Variants in SLCO3A1 observed in about 807,000 individuals in gnomAD.
SLCO3A1 encodes solute carrier organic anion transporter family member 3A1, also known as PGE1 transporter.
A neutral mutation model predicts 63.1 loss-of-function variants in SLCO3A1; 27 were observed. The observed-to-expected ratio is 0.43, with a 90% CI of 0.32 to 0.59. The LOEUF (loss-of-function observed/expected upper bound fraction) is 0.59, where lower values mean the gene tolerates loss of function less well. Among genes scored for constraint, SLCO3A1 ranks in the 20% least tolerant of loss-of-function variants. The pLI is 0.09. For synonymous variants in SLCO3A1, 473 were observed against 409.9 expected (o/e 1.15, Z -1.86); for missense variants, 773 against 945.8 (o/e 0.82, Z 2.40).
At chr15:92,065,809 G>T (rs1197189566) in intron 2 of SLCO3A1, among the ~76,000 whole-genome samples, 1 of 152,134 alleles carries the variant, frequency 6.6e-6, no homozygotes, top group Non-Finnish European at 1.5e-5. Context: ...ACCACCATCT[G>T]ATATTAAAAC....
chr15:92,029,339 C>G (rs2046617197), intron 2 of SLCO3A1, among the ~76,000 whole-genome samples: 1 of 152,176 alleles, frequency 6.6e-6, no homozygotes, highest in African/African-American at 2.4e-5. Flanking sequence ...GGCTCCTGCC[C>G]TGGAGTGGGC....
intron 1 of SLCO3A1, among the ~76,000 whole-genome samples, chr15:91,884,148 G>A (rs764804403): frequency 1.3e-5 from 2 of 152,154 alleles, no homozygotes; most frequent in African/African-American, 4.8e-5. Context: ...TGAGGATTCC[G>A]AGGTCCTGAG....
Position 91,865,716 on chromosome 15 carries a change from G to A in SLCO3A1, c.180+11628G>A, listed in dbSNP as rs147167313. Among the ~76,000 whole-genome samples, 790 of 152,194 alleles carry A rather than the reference G, an allele frequency of 5.2e-3. 7 individuals are homozygous for A. The highest frequency in any genetic ancestry group is 0.018 in the African/African-American group (748 of 41,510). On this transcript the variant is annotated intron_variant, in intron 1 of 9. Transcript: ENST00000318445. The surrounding 1 kb of genome is among the most constrained non-coding windows in gnomAD (Gnocchi z 4.6). ...TCTCTCTTCTTCTTCTAAGGACACC[G>A]GTCACATTGGATTAGGGCTCACCCT...
At chr15:91,893,987 G>T (rs1034850454) in intron 1 of SLCO3A1, among the ~76,000 whole-genome samples, 1 of 152,172 alleles carries the variant, frequency 6.6e-6, no homozygotes, top group Non-Finnish European at 1.5e-5. Context: ...TTGCCATAGC[G>T]ACTGGATTGG....
At chr15:92,068,008 C>T (rs1266873672) in intron 2 of SLCO3A1, among the ~76,000 whole-genome samples, 1 of 152,140 alleles carries the variant, frequency 6.6e-6, no homozygotes, top group Non-Finnish European at 1.5e-5. Context: ...AGGGCTTCAC[C>T]CTCATGACCT....
At chr15:92,115,121 A>T (rs1014079287) in intron 4 of SLCO3A1, among the ~76,000 whole-genome samples, 3 of 152,174 alleles carry the variant, frequency 2.0e-5, no homozygotes, top group African/African-American at 7.2e-5. Context: ...AAATACACCG[A>T]GAGTCCAGCA....
chr15:92,156,792 G>GAAAC (rs1480189140), intron 9 of SLCO3A1, among the ~76,000 whole-genome samples: 3 of 151,322 alleles, frequency 2.0e-5, no homozygotes, highest in Non-Finnish European at 4.4e-5. Context: ...AAGCCAGAGA[G>GAAAC]AAACAGATAT....
chr15:91,898,465 G>C (rs1043649817), intron 1 of SLCO3A1, among the ~76,000 whole-genome samples: 2 of 152,138 alleles, frequency 1.3e-5, no homozygotes, highest in African/African-American at 4.8e-5. Flanking sequence ...CTCCTGTCAG[G>C]CCTGGCTCCA....
chr15:92,085,925 C>A (rs2047399148), intron 2 of SLCO3A1, among the ~76,000 whole-genome samples: 1 of 152,212 alleles, frequency 6.6e-6, no homozygotes, highest in African/African-American at 2.4e-5. Context: ...CGTGTTCTTT[C>A]AACTTCAACC....
rs572135236 is a variant in SLCO3A1, at chr15:91,970,997, T to C, written c.646+54539T>C. On this transcript the variant is annotated intron_variant, in intron 2 of 9. Transcript: ENST00000318445. Reference sequence around the variant, plus strand: ...TTGGGAATTTGCCTATTTGCTAAAATGTATTTGTAGCCCCCAAATCAATAC... The same window carrying C: ...TTGGGAATTTGCCTATTTGCTAAAACGTATTTGTAGCCCCCAAATCAATAC... Among the ~76,000 whole-genome samples, 5 of 152,304 alleles carry C rather than the reference T, an allele frequency of 3.3e-5. 1 individual carries two copies. In the East Asian group the frequency reaches 9.7e-4, roughly 29 times the overall value.
chr15:91,888,148 C>T (rs772130974), intron 1 of SLCO3A1, among the ~76,000 whole-genome samples: 17 of 152,174 alleles, frequency 1.1e-4, no homozygotes, highest in South Asian at 2.1e-4. Flanking sequence ...GAATACTCCC[C>T]GCCCTCTCAC....
At chr15:92,114,429 C>T (rs2047767219) in intron 4 of SLCO3A1, among the ~76,000 whole-genome samples, 1 of 152,104 alleles carries the variant, frequency 6.6e-6, no homozygotes, top group Admixed American at 6.5e-5. Context: ...CATCCTTGGT[C>T]CCACGTGGCT....
In SLCO3A1 at chr15:91,863,882, C is replaced by T. The variant is rs1289489725; in HGVS notation, c.180+9794C>T. Among the ~76,000 whole-genome samples the T allele has an allele frequency of 2.0e-5, 3 of 152,214 alleles. No homozygotes were observed. Among genetic ancestry groups the T allele is most frequent in the African/African-American group, 7.2e-5 (3 of 41,436 alleles). ...GCTTAACATGCCAGTGACAGTTTCT[C>T]AGCCAGCCAAAGAGAGGATATCTTT... On this transcript the variant is annotated intron_variant, in intron 1 of 9. Coordinates refer to ENST00000318445, the MANE Select transcript of SLCO3A1 (RefSeq NM_013272.4). This position sits in a 1 kb window ranked among gnomAD's most constrained non-coding sequence, Gnocchi z 4.3.
At chr15:92,074,539 G>T (rs2047253774) in intron 2 of SLCO3A1, among the ~76,000 whole-genome samples, 1 of 152,172 alleles carries the variant, frequency 6.6e-6, no homozygotes, top group Non-Finnish European at 1.5e-5. Flanking sequence ...ATGCCCTGAA[G>T]GTCTGCTATT....
intron 2 of SLCO3A1, among the ~76,000 whole-genome samples, chr15:91,986,767 G>C (rs1225934564): frequency 6.6e-6 from 1 of 152,084 alleles, no homozygotes; most frequent in African/African-American, 2.4e-5. Flanking sequence ...TATTTAATAT[G>C]AACTGTTGCT....
At chr15:92,037,038 G>T (rs115074392) in intron 2 of SLCO3A1, among the ~76,000 whole-genome samples, 3 of 152,122 alleles carry the variant, frequency 2.0e-5, no homozygotes, top group African/African-American at 7.2e-5. Context: ...GTATACAGAA[G>T]CGAATAAAAC....
intron 2 of SLCO3A1, among the ~76,000 whole-genome samples, chr15:92,017,674 GGGA>G (rs1442664246): frequency 6.6e-6 from 1 of 152,140 alleles, no homozygotes; most frequent in African/African-American, 2.4e-5. Context: ...TGGACATTTG[GGGA>G]GGAGAAATTC....
chr15:92,026,169 G>A (rs1319963323), intron 2 of SLCO3A1, among the ~76,000 whole-genome samples: 6 of 152,032 alleles, frequency 3.9e-5, no homozygotes, highest in Admixed American at 3.3e-4. Flanking sequence ...TTCTCCATCC[G>A]GTAACTCCTT....
intron 2 of SLCO3A1, among the ~76,000 whole-genome samples, chr15:92,024,054 A>G (rs2046541465): frequency 1.3e-5 from 2 of 152,140 alleles, no homozygotes; most frequent in African/African-American, 4.8e-5. Context: ...CAGAACACCC[A>G]CCATGCCTGG....
Sources: gnomAD v4.1 joint callset for allele counts (sites outside exome capture counted in the v4.1 genomes callset) on GRCh38, gnomAD v4.1.1 for gene constraint, Gnocchi (gnomAD v3.1) non-coding constraint, MANE v1.5 for transcripts, NCBI Gene and HGNC (gene_info 2026-07-23, HGNC 2026-07-21) for gene names.